Variants in FLNB observed in about 807,000 individuals in gnomAD.
FLNB encodes filamin-B.
FLNB carries 111 observed loss-of-function variants against 250.6 expected under a neutral mutation model. The observed-to-expected ratio is 0.44, with a 90% CI of 0.38 to 0.52. The LOEUF (loss-of-function observed/expected upper bound fraction) is 0.52, where lower values mean the gene tolerates loss of function less well. FLNB is among the 20% of genes least tolerant of loss of function. The pLI, the probability that FLNB is intolerant of heterozygous loss-of-function variation, is 0.00. For missense variants in FLNB, 2,869 were observed against 3,447.8 expected, an observed-to-expected ratio of 0.83 and a Z score of 4.20; for synonymous variants, 1,302 against 1,372.1, an observed-to-expected ratio of 0.95 and a Z score of 1.13.
At chr3:58,057,503 G>T (rs540005773) in intron 1 of FLNB, among the ~76,000 whole-genome samples, 171 of 149,936 alleles carry the variant, frequency 1.1e-3, no homozygotes, top group African/African-American at 4.3e-3. Flanking sequence ...GGAGATTTGG[G>T]AAGAGTTTTG....
chr3:58,051,783 C>T (rs1330243684), intron 1 of FLNB, among the ~76,000 whole-genome samples: 1 of 151,996 alleles, frequency 6.6e-6, no homozygotes, highest in Non-Finnish European at 1.5e-5. Context: ...TTGGAAGAGC[C>T]ATGCTTGAGA....
At chr3:58,135,158 A>G (rs542772792) in intron 27 of FLNB, among the ~76,000 whole-genome samples, 8 of 152,184 alleles carry the variant, frequency 5.3e-5, no homozygotes, top group South Asian at 2.1e-4. Flanking sequence ...CCCGTCCCCT[A>G]TGTTTTTATT....
At chr3:58,011,067 A>G (rs1404832099) in intron 1 of FLNB, among the ~76,000 whole-genome samples, 1 of 152,132 alleles carries the variant, frequency 6.6e-6, no homozygotes, top group Admixed American at 6.5e-5. Flanking sequence ...GGCACATGCC[A>G]CCACGCCCGG....
At chr3:58,062,066 G>A (rs1002085449) in intron 1 of FLNB, among the ~76,000 whole-genome samples, 1 of 151,984 alleles carries the variant, frequency 6.6e-6, no homozygotes, top group Non-Finnish European at 1.5e-5. Context: ...ACTCCAGCCT[G>A]GGTGACAGAG....
intron 1 of FLNB, among the ~76,000 whole-genome samples, chr3:58,042,958 C>T (rs2097148226): frequency 6.6e-6 from 1 of 152,056 alleles, no homozygotes; most frequent in South Asian, 2.1e-4. Context: ...CAATATTGGG[C>T]CATGTCGTGC....
At chr3:58,029,187 G>C (rs1483568473) in intron 1 of FLNB, among the ~76,000 whole-genome samples, 3 of 152,128 alleles carry the variant, frequency 2.0e-5, no homozygotes, top group African/African-American at 7.2e-5. Flanking sequence ...CCTAAAAGCT[G>C]ATTTGAGTTT....
In FLNB at chr3:58,077,040, C is replaced by T. The variant is rs1207748197; in HGVS notation, c.293-6C>T. 1 of 1,614,122 alleles carries T rather than the reference C, an allele frequency of 6.2e-7. No homozygotes were observed. Among genetic ancestry groups the T allele is most frequent in the Admixed American group, 1.7e-5 (1 of 60,026 alleles). ...GGAATGACCAAGCCTGTGCTTCTCT[C>T]CCCAGATAGCAAAGCCATTGTGGAT... is the stretch of plus-strand genomic sequence containing the variant. On this transcript the variant is annotated splice_region_variant and splice_polypyrimidine_tract_variant and intron_variant, in intron 1 of 45. Transcript: ENST00000295956.
intron 10 of FLNB, among the ~76,000 whole-genome samples, chr3:58,104,583 C>T (rs979036411): frequency 4.6e-5 from 7 of 152,264 alleles, no homozygotes; most frequent in South Asian, 4.1e-4. Flanking sequence ...CTTTAAACTC[C>T]GAATAAATTC....
intron 34 of FLNB, 56 bp downstream of exon 34, chr3:58,147,049 T>C (rs1385650751): frequency 1.3e-6 from 2 of 1,547,874 alleles, no homozygotes; most frequent in Admixed American, 3.3e-5. Context: ...TGCCTCTGAC[T>C]GCCACCCTCC....
rs2097307923 is a variant in FLNB, at chr3:58,131,821, C to T, written c.4390+913C>T. On this transcript the variant is annotated intron_variant, in intron 25 of 45. Coordinates refer to ENST00000295956, the MANE Select transcript of FLNB (RefSeq NM_001457.4). ...TGTGTTTGTGTGCATGTATGTGTCC[C>T]TGTGTATGTGTGAATGAGAGAGGGA... 4 of 755,762 alleles carry T rather than the reference C, an allele frequency of 5.3e-6. 1 individual carries two copies. The South Asian group carries it at 6.2e-5, about 12-fold the overall frequency. The allele number at this position is 755,762 out of a possible 1,614,324, so 46.8% of individuals were successfully genotyped here. A position where few individuals can be genotyped will look rare whatever the true frequency, so the allele number is the denominator to read the frequency against.
intron 18 of FLNB, among the ~76,000 whole-genome samples, chr3:58,116,898 T>A (rs1267958842): frequency 6.6e-6 from 1 of 152,032 alleles, no homozygotes; most frequent in Non-Finnish European, 1.5e-5. Flanking sequence ...CCTTTAGAAA[T>A]CCCTGTGAGC....
intron 1 of FLNB, among the ~76,000 whole-genome samples, chr3:58,067,560 T>G (rs1171323884): frequency 1.3e-5 from 2 of 151,860 alleles, no homozygotes; most frequent in Non-Finnish European, 2.9e-5. Flanking sequence ...GTTTAACCAC[T>G]GTAACAAAGA....
chr3:58,168,023 A>C lies in FLNB; in HGVS notation c.7199-417A>C, dbSNP rs370086882. ...ATGCTTGGCCTCCCTGGCTTCTCCA[A>C]GTCTACCCGGAGAAGAAAGGACAGT... On this transcript the variant is annotated intron_variant, in intron 43 of 45. Transcript: ENST00000295956. 3.7e-4 allele frequency among the ~76,000 whole-genome samples: 57 copies of C among 152,288 alleles called. 1 individual carries two copies. The highest frequency in any genetic ancestry group is 6.8e-3 in the Middle Eastern group (2 of 294).
At chr3:58,045,333 A>T (rs549684852) in intron 1 of FLNB, among the ~76,000 whole-genome samples, 1 of 152,294 alleles carries the variant, frequency 6.6e-6, no homozygotes, top group South Asian at 2.1e-4. Context: ...GCTGAGTATG[A>T]GTTTGAGAGT....
At chr3:58,081,847 A>T (rs2097209628) in intron 4 of FLNB, 71 bp downstream of exon 4, 1 of 1,536,250 alleles carries the variant, frequency 6.5e-7, no homozygotes, top group African/African-American at 1.4e-5. Flanking sequence ...CATGGCTTCA[A>T]GAGTGATGTT....
rs371017564 is a variant in FLNB, at chr3:58,153,353, C to T, written c.6368-22C>T. The T allele has an allele frequency of 9.9e-6, 16 of 1,614,006 alleles. No homozygotes were observed. The African/African-American group carries it at 1.5e-4, about 15-fold the overall frequency. The stretch of plus-strand genomic sequence containing the variant: ...CCTTGCCCTAACCCTCTTCTCTCCC[C>T]CAACCTCCCTCCCTCTTTCAGAAAT... On this transcript the variant is annotated intron_variant, in intron 38 of 45. Transcript: ENST00000295956.
At chr3:58,034,949 T>TCTCAAA (rs1021954526) in intron 1 of FLNB, among the ~76,000 whole-genome samples, 1 of 152,170 alleles carries the variant, frequency 6.6e-6, no homozygotes, top group Non-Finnish European at 1.5e-5. Flanking sequence ...CCTGCTCACA[T>TCTCAAA]CTCAGCCCAC....
In FLNB at chr3:58,156,065, T is replaced by A; in HGVS notation, c.6878T>A (p.Met2293Lys). The A allele has an allele frequency of 1.2e-6, 2 of 1,613,492 alleles. No homozygotes were observed. The highest frequency in any genetic ancestry group is 1.7e-6 in the Non-Finnish European group (2 of 1,179,428). Reference protein sequence around the residue: ...PSDDARRLTVMSLQESGLKVN... With the variant: ...PSDDARRLTVKSLQESGLKVN... ...GACGACGCCCGCCGCCTCACTGTTA[T>A]GAGCCTTCAGGTGAGATGCAAGGAA... Residue 2293 changes from methionine (M) to lysine (K), a missense_variant, in exon 41 of 46, where the codon ATG (methionine) becomes AAG (lysine). This residue lies in a region of FLNB where 1,084 missense variants were observed against 1,315.5 expected (regional missense o/e 0.82). Transcript: ENST00000295956.
chr3:58,125,486 C>A, intron 22 of FLNB, 95 bp from the exon 23 acceptor site: 2 of 1,403,842 alleles, frequency 1.4e-6, no homozygotes, highest in Non-Finnish European at 2.0e-6. Flanking sequence ...AGCATGCAGA[C>A]TTCGATGCTA....
Sources: allele counts gnomAD v4.1 joint callset (sites outside exome capture counted in the v4.1 genomes callset), GRCh38; gene constraint gnomAD v4.1.1; regional missense constraint gnomAD v4.1.1; transcripts MANE v1.5; gene names NCBI Gene and HGNC (gene_info 2026-07-23, HGNC 2026-07-21).